The following BBX variants were observed in gnomAD, a reference collection of about 807,000 sequenced individuals.
BBX encodes the protein BBX high mobility group box domain containing.
Under a neutral mutation model 100.2 loss-of-function variants are expected in BBX, and 30 were observed. That is an observed-to-expected ratio of 0.30 (90% confidence interval 0.22 to 0.41). The LOEUF is 0.41. BBX is among the 10% of genes least tolerant of loss of function. BBX has a pLI of 1.00. For synonymous variants in BBX, 376 were observed against 388.1 expected (o/e 0.97, Z 0.37); for missense variants, 1,023 against 1,129.8 (o/e 0.91, Z 1.35).
At chr3:107,707,400 C>T (rs1243580019) in intron 3 of BBX, among the ~76,000 whole-genome samples, 3 of 152,188 alleles carry the variant, frequency 2.0e-5, no homozygotes, top group Non-Finnish European at 4.4e-5. Context: ...AATAGTGAAT[C>T]ATCATCACAA....
chr3:107,594,306 C>T lies in BBX; in HGVS notation c.-83-51530C>T, dbSNP rs367808563. The stretch of plus-strand genomic sequence containing the variant: ...CATTCCGCTGCACATTATTCTCTTC[C>T]GGGGACCAGCTTCCTTGGTGACTTC... On this transcript the variant is annotated intron_variant, in intron 2 of 17. Coordinates refer to ENST00000325805, the MANE Select transcript of BBX (RefSeq NM_001142568.3). 4.6e-5 allele frequency among the ~76,000 whole-genome samples: 7 copies of T among 152,216 alleles called. No individual in the cohort carries two copies. The East Asian group carries it at 5.8e-4, about 13-fold the overall frequency.
At chr3:107,721,842 G>A (rs1576499107) in intron 5 of BBX, among the ~76,000 whole-genome samples, 1 of 151,894 alleles carries the variant, frequency 6.6e-6, no homozygotes, top group East Asian at 1.9e-4. Context: ...CAGAGTTTAT[G>A]TAAGATACAA....
rs368178359 is a variant in BBX, at chr3:107,728,749, G to T, written c.406-16G>T. The T allele has an allele frequency of 8.8e-4, 1,405 of 1,589,674 alleles. 3 individuals carry two copies. The highest frequency in any genetic ancestry group is 1.1e-3 in the Non-Finnish European group (1,318 of 1,167,878). On this transcript the variant is annotated splice_polypyrimidine_tract_variant and intron_variant, in intron 5 of 17. Transcript: ENST00000325805. ...ATTTGTTAATTAAAATCTGCTGTCT[G>T]TCGTTTTATTTATAGTATAAGGATG...
At chr3:107,704,076 A>G (rs1228033235) in intron 3 of BBX, among the ~76,000 whole-genome samples, 3 of 152,126 alleles carry the variant, frequency 2.0e-5, no homozygotes, top group Non-Finnish European at 2.9e-5. Flanking sequence ...TGGTTCCTCT[A>G]CTTGCCATGT....
At chr3:107,660,158 A>T (rs1464744386) in intron 3 of BBX, among the ~76,000 whole-genome samples, 1 of 152,160 alleles carries the variant, frequency 6.6e-6, no homozygotes, top group Non-Finnish European at 1.5e-5. Context: ...AGTATCACTC[A>T]TCTAGATATC....
chr3:107,642,327 A>T (rs1391647503), intron 2 of BBX, among the ~76,000 whole-genome samples: 1 of 152,260 alleles, frequency 6.6e-6, no homozygotes, highest in Non-Finnish European at 1.5e-5. Flanking sequence ...AACATGTAGT[A>T]TATAAAATAA....
At chr3:107,556,806 G>A (rs552792277) in intron 2 of BBX, among the ~76,000 whole-genome samples, 1 of 152,060 alleles carries the variant, frequency 6.6e-6, no homozygotes, top group Non-Finnish European at 1.5e-5. Flanking sequence ...GGGATCTTTG[G>A]GTTTCTTAGT....
At chr3:107,735,743 A>G (rs1393906123) in intron 7 of BBX, among the ~76,000 whole-genome samples, 1 of 152,034 alleles carries the variant, frequency 6.6e-6, no homozygotes, top group Non-Finnish European at 1.5e-5. Context: ...GTTTTTAGAG[A>G]GAAATTATAA....
chr3:107,717,637 T>C (rs1015359715), intron 5 of BBX, among the ~76,000 whole-genome samples: 3 of 151,986 alleles, frequency 2.0e-5, no homozygotes, highest in African/African-American at 7.2e-5. Context: ...CATTTCCATG[T>C]AGGAAGGCTA....
chr3:107,708,198 C>G (rs2061497731), intron 3 of BBX, among the ~76,000 whole-genome samples: 1 of 152,078 alleles, frequency 6.6e-6, no homozygotes, highest in Admixed American at 6.5e-5. Flanking sequence ...GAAATCTTCT[C>G]TTATTAAGAG....
intron 2 of BBX, among the ~76,000 whole-genome samples, chr3:107,585,285 A>C (rs1026277745): frequency 6.6e-6 from 1 of 152,206 alleles, no homozygotes; most frequent in Admixed American, 6.5e-5. Context: ...GAGAAGGAAG[A>C]AAAAGGTGAT....
intron 2 of BBX, among the ~76,000 whole-genome samples, chr3:107,615,856 C>T (rs769421061): frequency 4.6e-5 from 7 of 152,028 alleles, no homozygotes; most frequent in Non-Finnish European, 8.8e-5. Flanking sequence ...CATATATTAA[C>T]TGAAGCCTTT....
At chr3:107,577,166 T>TA (rs1481160582) in intron 2 of BBX, among the ~76,000 whole-genome samples, 2 of 152,168 alleles carry the variant, frequency 1.3e-5, no homozygotes, top group Admixed American at 6.5e-5. Flanking sequence ...TGGCTGAAGA[T>TA]ATTTATTTTT....
intron 3 of BBX, among the ~76,000 whole-genome samples, chr3:107,679,753 A>G (rs552958722): frequency 5.4e-4 from 83 of 152,308 alleles, no homozygotes; most frequent in Middle Eastern, 3.4e-3. Flanking sequence ...AACTTGTACT[A>G]TGGGGGCTTT....
intron 3 of BBX, among the ~76,000 whole-genome samples, chr3:107,663,778 T>A (rs1289501256): frequency 6.6e-6 from 1 of 151,502 alleles, no homozygotes; most frequent in Non-Finnish European, 1.5e-5. Context: ...TTAATGGCTA[T>A]TTAGCTGTTT....
At chr3:107,563,371 CAA>C (rs2050649862) in intron 2 of BBX, among the ~76,000 whole-genome samples, 1 of 152,190 alleles carries the variant, frequency 6.6e-6, no homozygotes, top group South Asian at 2.1e-4. Flanking sequence ...AAGGAGTGTA[CAA>C]ATATCTCTAT....
chr3:107,569,742 T>C (rs747726300), intron 2 of BBX, among the ~76,000 whole-genome samples: 1 of 152,190 alleles, frequency 6.6e-6, no homozygotes, highest in Non-Finnish European at 1.5e-5. Context: ...ACAACAGTTA[T>C]GGAGGCAAGG....
chr3:107,765,227 G>T (rs56165516), intron 10 of BBX, among the ~76,000 whole-genome samples: 3,089 of 152,238 alleles, frequency 0.02, 93 homozygotes, highest in African/African-American at 0.07. Context: ...TTTTAGCTCT[G>T]TACTAGGCAC....
intron 2 of BBX, among the ~76,000 whole-genome samples, chr3:107,582,306 C>T (rs2052346751): frequency 6.7e-6 from 1 of 148,850 alleles, no homozygotes; most frequent in African/African-American, 2.5e-5. Flanking sequence ...TTTTTTTAAA[C>T]ACATTTTTGT....
Sources: gnomAD v4.1 joint callset for allele counts (sites outside exome capture counted in the v4.1 genomes callset) on GRCh38, gnomAD v4.1.1 for gene constraint, MANE v1.5 for transcripts, NCBI Gene and HGNC (gene_info 2026-07-23, HGNC 2026-07-21) for gene names.